The following MACROD2 variants were observed in gnomAD, a reference collection of about 807,000 sequenced individuals.
MACROD2 encodes the protein mono-ADP ribosylhydrolase 2.
In MACROD2, 36 loss-of-function variants were observed where a neutral mutation model predicts 70.4. That is an observed-to-expected ratio of 0.51 (90% confidence interval 0.39 to 0.68). The LOEUF (loss-of-function observed/expected upper bound fraction) is 0.68. MACROD2 is among the 30% of genes least tolerant of loss of function. The pLI is 0.00. For synonymous variants in MACROD2, 172 were observed against 178.8 expected (o/e 0.96, Z 0.30); for missense variants, 496 against 538.4 (o/e 0.92, Z 0.78).
Position 15,932,051 on chromosome 20 carries a change from G to C in MACROD2, c.776-1225G>C, listed in dbSNP as rs186712506. On this transcript the variant is annotated intron_variant, in intron 10 of 17. Coordinates refer to ENST00000684519, the MANE Select transcript of MACROD2 (RefSeq NM_001351661.2). ...TGATTCAGTCCTGCTTGTGGGTCAG[G>C]AATTTTTAAAGGGCTCAGCTGGATG... Among the ~76,000 whole-genome samples, 38 of 152,240 alleles carry C rather than the reference G, an allele frequency of 2.5e-4. No individual in the cohort carries two copies. The East Asian group carries it at 7.2e-3, about 29-fold the overall frequency.
At chr20:14,577,788 A>G (rs1289507147) in intron 4 of MACROD2, among the ~76,000 whole-genome samples, 2 of 149,538 alleles carry the variant, frequency 1.3e-5, no homozygotes. Flanking sequence ...TCTTAAAAAG[A>G]AAAGGAAAGA....
chr20:15,542,493 T>C (rs1233730), intron 8 of MACROD2, among the ~76,000 whole-genome samples: 61,711 of 151,940 alleles, frequency 0.41, 16,312 homozygotes, highest in African/African-American at 0.74. Context: ...ATATTGCAAA[T>C]GGAGAGGGGC....
intron 6 of MACROD2, among the ~76,000 whole-genome samples, chr20:15,272,408 C>A (rs2077354001): frequency 6.6e-6 from 1 of 152,130 alleles, no homozygotes; most frequent in Admixed American, 6.5e-5. Context: ...TTGTAAGAGG[C>A]TATTTCCTTG....
At chr20:14,560,012 T>A (rs1334518460) in intron 4 of MACROD2, among the ~76,000 whole-genome samples, 1 of 151,790 alleles carries the variant, frequency 6.6e-6, no homozygotes, top group Non-Finnish European at 1.5e-5. Context: ...GTGAAAATGT[T>A]TAATAGCATG....
At chr20:14,095,712 A>G (rs2054214918) in intron 3 of MACROD2, among the ~76,000 whole-genome samples, 1 of 152,200 alleles carries the variant, frequency 6.6e-6, no homozygotes, top group Non-Finnish European at 1.5e-5. Context: ...TATTAAAAGC[A>G]TGTAGTAATT....
chr20:16,014,760 T>A (rs569249253), intron 15 of MACROD2, among the ~76,000 whole-genome samples: 52 of 152,330 alleles, frequency 3.4e-4, no homozygotes, highest in Non-Finnish European at 6.0e-4. Flanking sequence ...TCAGGGCAAG[T>A]ATTCCTTTGG....
chr20:15,114,660 G>T (rs1271678155), intron 5 of MACROD2, among the ~76,000 whole-genome samples: 1 of 152,174 alleles, frequency 6.6e-6, no homozygotes, highest in South Asian at 2.1e-4. Flanking sequence ...CATACAAAAT[G>T]TATTTTTCTA....
At chr20:14,303,029 G>A (rs1010863057) in intron 3 of MACROD2, among the ~76,000 whole-genome samples, 2 of 152,174 alleles carry the variant, frequency 1.3e-5, no homozygotes, top group African/African-American at 4.8e-5. Context: ...CGTAAAGAAG[G>A]TGGTCTTCTA....
At chr20:15,298,706 C>T (rs901583981) in intron 6 of MACROD2, among the ~76,000 whole-genome samples, 1 of 152,188 alleles carries the variant, frequency 6.6e-6, no homozygotes, top group Non-Finnish European at 1.5e-5. Flanking sequence ...TTACATTCTG[C>T]ATTCCCTTTA....
At chr20:15,992,047 A>T (rs1449225297) in intron 15 of MACROD2, among the ~76,000 whole-genome samples, 2 of 152,244 alleles carry the variant, frequency 1.3e-5, no homozygotes, top group African/African-American at 4.8e-5. Context: ...TTAAAGTTAA[A>T]AAACATAGAA....
chr20:14,124,839 G>T (rs532860516), intron 3 of MACROD2, among the ~76,000 whole-genome samples: 38 of 152,210 alleles, frequency 2.5e-4, no homozygotes, highest in Non-Finnish European at 3.2e-4. Context: ...GTTTTCGCAA[G>T]AACTTTCACA....
At chr20:14,842,442 A>G (rs2073097245) in intron 5 of MACROD2, among the ~76,000 whole-genome samples, 1 of 151,994 alleles carries the variant, frequency 6.6e-6, no homozygotes, top group Non-Finnish European at 1.5e-5. Flanking sequence ...ATGTAGAGGT[A>G]TTTTCTTAAA....
intron 5 of MACROD2, among the ~76,000 whole-genome samples, chr20:15,222,025 C>T (rs1342940962): frequency 6.6e-6 from 1 of 152,052 alleles, no homozygotes; most frequent in East Asian, 1.9e-4. Context: ...AACCAAAAGC[C>T]CTTTGTAACC....
At chr20:14,381,532 T>A (rs2083420203) in intron 3 of MACROD2, among the ~76,000 whole-genome samples, 1 of 152,210 alleles carries the variant, frequency 6.6e-6, no homozygotes, top group African/African-American at 2.4e-5. Flanking sequence ...GTCAGGTAAA[T>A]CTTTGTGGAG....
At chr20:14,645,940 T>A (rs1484457103) in intron 4 of MACROD2, among the ~76,000 whole-genome samples, 1 of 151,832 alleles carries the variant, frequency 6.6e-6, no homozygotes, top group East Asian at 1.9e-4. Context: ...CAATAATACA[T>A]ACTCCCTGGC....
At chr20:15,136,362 A>G (rs189283361) in intron 5 of MACROD2, among the ~76,000 whole-genome samples, 160 of 152,008 alleles carry the variant, frequency 1.1e-3, no homozygotes, top group African/African-American at 3.3e-3. Flanking sequence ...ACCAAAACAG[A>G]CATATAGATC....
intron 8 of MACROD2, among the ~76,000 whole-genome samples, chr20:15,705,921 G>A (rs2050525553): frequency 6.6e-6 from 1 of 152,062 alleles, no homozygotes; most frequent in Non-Finnish European, 1.5e-5. Context: ...GTTAATGTAG[G>A]TTGTACTTTT....
At chr20:15,846,815 G>A (rs1017481914) in intron 8 of MACROD2, among the ~76,000 whole-genome samples, 4 of 151,604 alleles carry the variant, frequency 2.6e-5, no homozygotes, top group South Asian at 2.1e-4. Context: ...CAACATGGCA[G>A]CAGCGAGACC....
intron 6 of MACROD2, among the ~76,000 whole-genome samples, chr20:15,318,846 G>A (rs2077842678): frequency 6.6e-6 from 1 of 152,104 alleles, no homozygotes; most frequent in African/African-American, 2.4e-5. Flanking sequence ...AAAACCTGAT[G>A]ATTAATACCA....
Sources: allele counts gnomAD v4.1 joint callset (sites outside exome capture counted in the v4.1 genomes callset), GRCh38; gene constraint gnomAD v4.1.1; transcripts MANE v1.5; gene names NCBI Gene and HGNC (gene_info 2026-07-23, HGNC 2026-07-21).